GTPBP10: variants seen among roughly 807,000 people sequenced by gnomAD.
GTPBP10 encodes GTP binding protein 10.
A neutral mutation model predicts 44.8 loss-of-function variants in GTPBP10; 38 were observed. The ratio of observed to expected loss-of-function variants is 0.85; its 90% confidence interval spans 0.65 to 1.11. The LOEUF (loss-of-function observed/expected upper bound fraction) is 1.11, where lower values mean the gene tolerates loss of function less well. GTPBP10 is among the 50% of genes most tolerant of loss of function. The pLI, the probability that GTPBP10 is intolerant of heterozygous loss-of-function variation, is 0.00. For missense variants in GTPBP10, 462 were observed against 453.7 expected, an observed-to-expected ratio of 1.02 and a Z score of -0.17; for synonymous variants, 152 against 150.6, an observed-to-expected ratio of 1.01 and a Z score of -0.07.
intron 1 of GTPBP10, among the ~76,000 whole-genome samples, chr7:90,351,088 G>A (rs1795781424): frequency 6.6e-6 from 1 of 152,228 alleles, no homozygotes; most frequent in Admixed American, 6.5e-5. Context: ...TGGCAACTTG[G>A]GACACTTGAG....
At position 90,385,371 on chromosome 7, in the gene GTPBP10, A is replaced by T; in HGVS notation, c.*217A>T. On this transcript the variant is annotated 3_prime_UTR_variant, in exon 10 of 10. Coordinates refer to ENST00000222511, the MANE Select transcript of GTPBP10 (RefSeq NM_033107.4). ...CTGGTGGGGCAGTGGAGGATTGAGGAGATATTGGTCAAAATTTACAAAATT... is the reference window on the plus strand; with the variant it reads ...CTGGTGGGGCAGTGGAGGATTGAGGTGATATTGGTCAAAATTTACAAAATT... 2.7e-6 allele frequency: 1 copy of T among 368,458 alleles called. No homozygotes were observed. The highest frequency in any genetic ancestry group is 4.8e-6 in the Non-Finnish European group (1 of 207,830). The allele number at this position is 368,458 out of a possible 1,614,324, so 22.8% of individuals were successfully genotyped here. A position where few individuals can be genotyped will look rare whatever the true frequency, so the allele number is the denominator to read the frequency against.
At chr7:90,350,193 G>A (rs991901951) in intron 1 of GTPBP10, among the ~76,000 whole-genome samples, 9 of 152,250 alleles carry the variant, frequency 5.9e-5, no homozygotes, top group African/African-American at 1.7e-4. Flanking sequence ...CCTTGTGATA[G>A]TTTGGTCAGA....
chr7:90,354,613 A>G (rs1464932841), intron 3 of GTPBP10, 64 bp downstream of exon 3: 1 of 798,942 alleles, frequency 1.3e-6, no homozygotes, highest in Non-Finnish European at 2.0e-6. Flanking sequence ...AAACAATGGA[A>G]TAGCTTCTCT....
At chr7:90,370,960 C>G (rs1474576889) in intron 4 of GTPBP10, among the ~76,000 whole-genome samples, 5 of 151,534 alleles carry the variant, frequency 3.3e-5, no homozygotes, top group African/African-American at 4.9e-5. Context: ...GAGCCAAGAT[C>G]ACGCCACTGC....
intron 9 of GTPBP10, 61 bp from the exon 10 acceptor site, chr7:90,384,831 A>G (rs1796494090): frequency 6.7e-7 from 1 of 1,503,008 alleles, no homozygotes; most frequent in Non-Finnish European, 8.9e-7. Flanking sequence ...AACCATTAAC[A>G]TGGTTTTAAC....
chr7:90,353,173 C>G (rs2115612061), intron 2 of GTPBP10, 164 bp downstream of exon 2: 1 of 468,734 alleles, frequency 2.1e-6, no homozygotes. Flanking sequence ...AAGACTGATA[C>G]TAAAGAATAT....
At position 90,375,065 on chromosome 7, in the gene GTPBP10, C is replaced by T. The variant is rs377564258; in HGVS notation, c.591+711C>T. ...TCAGCTCTAAAAAGAACTGGGCTAT[C>T]AAGCCTCAAAAAGACCTAGGGGAAC... is the stretch of plus-strand genomic sequence containing the variant. On this transcript the variant is annotated intron_variant, in intron 6 of 9. Transcript: ENST00000222511. 5.1e-4 allele frequency among the ~76,000 whole-genome samples: 77 copies of T among 152,156 alleles called. 1 individual carries two copies. The South Asian group carries it at 0.016, about 32-fold the overall frequency.
Position 90,354,523 on chromosome 7 carries a change from T to C in GTPBP10, c.293T>C (p.Val98Ala). The C allele has an allele frequency of 6.3e-7, 1 of 1,585,570 alleles. No individual in the cohort carries two copies. The highest frequency in any genetic ancestry group is 8.6e-7 in the Non-Finnish European group (1 of 1,164,406). ...ATCCCTGTGCCTGTGGGTATTTCAG[T>C]AACTGATGAAAATGGTAAAATTATA... ...CEIPVPVGIS[V>A]TDENGKIIGE... Residue 98 changes from valine (V) to alanine (A), a missense_variant, in exon 3 of 10, where the codon GTA (valine) becomes GCA (alanine). By Grantham distance (64) the Val-to-Ala change is moderately conservative (BLOSUM62 0). Coordinates refer to ENST00000222511, the MANE Select transcript of GTPBP10 (RefSeq NM_033107.4).
At position 90,385,190 on chromosome 7, in the gene GTPBP10, A is replaced by G. The variant is rs1438044396; in HGVS notation, c.*36A>G. 3 of 1,425,442 alleles carry G rather than the reference A, an allele frequency of 2.1e-6. No homozygotes were observed. The highest frequency in any genetic ancestry group is 2.9e-6 in the Non-Finnish European group (3 of 1,050,028). The allele number at this position is 1,425,442 out of a possible 1,614,324, so 88.3% of individuals were successfully genotyped here. On this transcript the variant is annotated 3_prime_UTR_variant, in exon 10 of 10. Transcript: ENST00000222511. ...AATGGTATTGATGGAACAGTATTTA[A>G]TGCTTAAAAACAAGGAAATCCTTTC...
Position 90,349,890 on chromosome 7 carries a change from T to G in GTPBP10, c.34-2926T>G, listed in dbSNP as rs190354370. ...ACCTGCTTCACCTGTTATCTTGATA[T>G]TTCTAAAGCCAAAGCCAAACCTATT... On this transcript the variant is annotated intron_variant, in intron 1 of 9. Coordinates refer to ENST00000222511, the MANE Select transcript of GTPBP10 (RefSeq NM_033107.4). Among the ~76,000 whole-genome samples the G allele has an allele frequency of 7.1e-4, 108 of 152,288 alleles. 1 individual carries two copies. The highest frequency in any genetic ancestry group is 1.2e-3 in the Non-Finnish European group (79 of 68,024).
chr7:90,371,171 G>T, intron 4 of GTPBP10: 1 of 965,118 alleles, frequency 1.0e-6, no homozygotes, highest in African/African-American at 1.8e-5. Flanking sequence ...TAAAGAAAAA[G>T]TTGTCTATGA....
chr7:90,365,006 G>T (rs981001064), intron 4 of GTPBP10, among the ~76,000 whole-genome samples: 1 of 152,164 alleles, frequency 6.6e-6, no homozygotes, highest in Non-Finnish European at 1.5e-5. Flanking sequence ...GGAGTGACCC[G>T]ATTTTCCAGG....
intron 4 of GTPBP10, among the ~76,000 whole-genome samples, chr7:90,355,903 A>G (rs746463881): frequency 6.6e-6 from 1 of 152,178 alleles, no homozygotes; most frequent in Non-Finnish European, 1.5e-5. Flanking sequence ...ATAGTAAGAT[A>G]CAGAATACAT....
chr7:90,375,312 A>G (rs1316629888), intron 6 of GTPBP10, among the ~76,000 whole-genome samples: 1 of 152,150 alleles, frequency 6.6e-6, no homozygotes, highest in African/African-American at 2.4e-5. Flanking sequence ...AAAGTATGAT[A>G]CTATATAATA....
chr7:90,357,162 A>AT (rs1795918782), intron 4 of GTPBP10, among the ~76,000 whole-genome samples: 1 of 152,150 alleles, frequency 6.6e-6, no homozygotes, highest in Non-Finnish European at 1.5e-5. Context: ...CATAGGTTGG[A>AT]TTTTAGCCTG....
intron 8 of GTPBP10, among the ~76,000 whole-genome samples, chr7:90,378,510 C>T (rs969238794): frequency 2.6e-5 from 4 of 152,134 alleles, no homozygotes; most frequent in Admixed American, 2.6e-4. Context: ...AGTTTTGTGA[C>T]CGGTAATCTT....
At chr7:90,372,544 C>T (rs1305627319) in intron 5 of GTPBP10, among the ~76,000 whole-genome samples, 1 of 144,608 alleles carries the variant, frequency 6.9e-6, no homozygotes, top group Non-Finnish European at 1.5e-5. Flanking sequence ...TCTTGAACTC[C>T]TAGGCTCAAG....
Position 90,378,216 on chromosome 7 carries a change from G to T in GTPBP10, c.777+5G>T. 1 of 1,608,722 alleles carries T rather than the reference G, an allele frequency of 6.2e-7. No individual in the cohort carries two copies. ...ACCATAATACTGCTTACAAAAGTAG[G>T]TTTTCTGTTTTACTGTGTTCTGTAT... On this transcript the variant is annotated splice_donor_5th_base_variant and intron_variant, in intron 8 of 9. Transcript: ENST00000222511.
At chr7:90,359,284 A>G (rs368943269) in intron 4 of GTPBP10, among the ~76,000 whole-genome samples, 5 of 152,134 alleles carry the variant, frequency 3.3e-5, no homozygotes, top group Admixed American at 3.3e-4. Context: ...TCCTAATGCT[A>G]TCCCTCCCCC....
Sources: allele counts gnomAD v4.1 joint callset (sites outside exome capture counted in the v4.1 genomes callset), GRCh38; gene constraint gnomAD v4.1.1; transcripts MANE v1.5; gene names NCBI Gene and HGNC (gene_info 2026-07-23, HGNC 2026-07-21).